The following DBR1 variants were observed in gnomAD, a reference collection of about 807,000 sequenced individuals.
The protein encoded by DBR1 is debranching RNA lariats 1, also known as lariat debranching enzyme.
Under a neutral mutation model 45.9 loss-of-function variants are expected in DBR1, and 33 were observed. The ratio of observed to expected loss-of-function variants is 0.72; its 90% CI spans 0.55 to 0.96. DBR1 has a LOEUF of 0.96. DBR1 is among the 40% of genes least tolerant of loss of function. The probability of loss-of-function intolerance (pLI) is 0.00; values close to 1 mark genes in which losing one functional copy is unlikely to be tolerated. For synonymous variants in DBR1, 235 were observed against 235.9 expected, an observed-to-expected ratio of 1.00 and a Z score of 0.04; for missense variants, 619 against 667.4, an observed-to-expected ratio of 0.93 and a Z score of 0.80.
Position 138,172,980 on chromosome 3 carries a change from T to C in DBR1, c.322+522A>G, listed in dbSNP as rs1042084058. 4.6e-5 allele frequency among the ~76,000 whole-genome samples: 7 copies of C among 151,990 alleles called. No homozygotes were observed. The South Asian group carries it at 1.2e-3, about 27-fold the overall frequency. On this transcript the variant is annotated intron_variant, in intron 2 of 7. Transcript: ENST00000260803. ...GTTAAGTATAATAACAGTACTGTAG[T>C]AGTATTTTTAAAGATCCTTATCACT...
intron 7 of DBR1, 109 bp from the exon 8 acceptor site, chr3:138,162,691 C>G (rs1420741933): frequency 2.1e-6 from 2 of 958,272 alleles, no homozygotes; most frequent in Non-Finnish European, 3.1e-6. Context: ...AGCCATCTAT[C>G]AAAATTCCAT....
In DBR1 at chr3:138,174,712, C is replaced by T. The variant is rs781454542; in HGVS notation, c.84G>A (p.Pro28=). The change falls in exon 1 of 8, where the codon CCG becomes CCA. Residue 28 remains proline (P), a synonymous_variant. Transcript: ENST00000260803. ...ETLALAERRG[P]GPVDLLLCCG... Reference sequence around the variant, plus strand: ...AGCACAGCAAGAGGTCGACAGGCCCCGGGCCGCGCCGCTCTGCCAGCGCCA... The same window carrying T: ...AGCACAGCAAGAGGTCGACAGGCCCTGGGCCGCGCCGCTCTGCCAGCGCCA... 2.5e-6 allele frequency: 4 copies of T among 1,612,650 alleles called. No homozygotes were observed. The South Asian group carries it at 3.3e-5, about 13-fold the overall frequency.
At chr3:138,169,290 A>G (rs892802251) in intron 4 of DBR1, among the ~76,000 whole-genome samples, 6 of 152,196 alleles carry the variant, frequency 3.9e-5, no homozygotes, top group African/African-American at 7.2e-5. Context: ...TGGAGATTAT[A>G]TGAAATACCA....
chr3:138,166,603 T>C (rs1418122558), intron 5 of DBR1, among the ~76,000 whole-genome samples: 1 of 152,158 alleles, frequency 6.6e-6, no homozygotes, highest in Non-Finnish European at 1.5e-5. Flanking sequence ...CCCATCATCT[T>C]TGGTTAAAAT....
intron 4 of DBR1, 50 bp from the exon 5 acceptor site, chr3:138,167,355 C>T (rs759048598): frequency 8.0e-7 from 1 of 1,247,474 alleles, no homozygotes; most frequent in South Asian, 1.3e-5. Flanking sequence ...AACAGATTAA[C>T]CAAAACAATC....
At position 138,161,450 on chromosome 3, in the gene DBR1, C is replaced by A. The variant is rs1319057507; in HGVS notation, c.*439G>T. Reference sequence around the variant, plus strand: ...ATAAAGTCAATATCTAACTAAAATTCTCTAATGTATCTTCATTATTATAAA... The same window carrying A: ...ATAAAGTCAATATCTAACTAAAATTATCTAATGTATCTTCATTATTATAAA... On this transcript the variant is annotated 3_prime_UTR_variant, in exon 8 of 8. Transcript: ENST00000260803. The A allele has an allele frequency of 6.4e-6, 1 of 155,254 alleles. No homozygotes were observed. The highest frequency in any genetic ancestry group is 2.4e-5 in the African/African-American group (1 of 41,438). The allele number at this position is 155,254 out of a possible 1,614,324, so 9.6% of individuals were successfully genotyped here. A position where few individuals can be genotyped will look rare whatever the true frequency, so the allele number is the denominator to read the frequency against.
chr3:138,174,256 A>G (rs937128009), intron 1 of DBR1, among the ~76,000 whole-genome samples: 1 of 152,188 alleles, frequency 6.6e-6, no homozygotes, highest in South Asian at 2.1e-4. Flanking sequence ...AGTACAAGGT[A>G]GCTATCTAAA....
chr3:138,167,305 G>A lies in DBR1; in HGVS notation c.490C>T (p.Leu164=). The A allele has an allele frequency of 6.3e-7, 1 of 1,581,624 alleles. No homozygotes were observed. The highest frequency in any genetic ancestry group is 1.4e-5 in the African/African-American group (1 of 72,918). ...AAGAATATATCTATAGGCTGCTTCAGCTTTCAAAAGAGAAAAAGAGAAAGA... is the reference window on the plus strand; with the variant it reads ...AAGAATATATCTATAGGCTGCTTCAACTTTCAAAAGAGAAAAAGAGAAAGA... ...RNIEVYKLKQ[L]KQPIDIFLSH... The change falls in exon 5 of 8, where the codon CTG becomes TTG. Residue 164 remains leucine (L), a splice_region_variant and synonymous_variant. Coordinates refer to ENST00000260803, the MANE Select transcript of DBR1 (RefSeq NM_016216.4).
At position 138,170,094 on chromosome 3, in the gene DBR1, G is replaced by A. The variant is rs373502246; in HGVS notation, c.489+13C>T. ...AATGTTTTCAAGTCTGCTGTAATGCGCTTTTTACGTACCTGTTTTAATTTA... is the reference window on the plus strand; with the variant it reads ...AATGTTTTCAAGTCTGCTGTAATGCACTTTTTACGTACCTGTTTTAATTTA... On this transcript the variant is annotated intron_variant, in intron 4 of 7. Transcript: ENST00000260803. 16 of 1,497,652 alleles carry A rather than the reference G, an allele frequency of 1.1e-5. No individual in the cohort carries two copies. Among genetic ancestry groups the A allele is most frequent in the Admixed American group, 8.7e-5 (5 of 57,452 alleles). The allele number at this position is 1,497,652 out of a possible 1,614,324, so 92.8% of individuals were successfully genotyped here.
intron 5 of DBR1, among the ~76,000 whole-genome samples, chr3:138,166,530 CA>C (rs1236433528): frequency 2.0e-5 from 3 of 152,172 alleles, no homozygotes; most frequent in Non-Finnish European, 4.4e-5. Flanking sequence ...AATCCATACA[CA>C]ACAATGCTGT....
chr3:138,164,682 T>C (rs1352031714), intron 5 of DBR1, among the ~76,000 whole-genome samples: 2 of 152,262 alleles, frequency 1.3e-5, no homozygotes, highest in African/African-American at 4.8e-5. Flanking sequence ...AGTCTTACTC[T>C]GTCGTCCAGG....
chr3:138,167,195 C>T lies in DBR1; in HGVS notation c.600G>A (p.Val200=), dbSNP rs747309679. ...LKTKSFFRQE[V]ENNTLGSPAA... is the part of the protein sequence containing the mutation. ...CTGGACTTCCTAATGTGTTATTTTC[C>T]ACTTCTTGTCGGAAAAAAGATTTAG... Residue 200 remains valine, a synonymous_variant, in exon 5 of 8, where the codon GTG becomes GTA. Transcript: ENST00000260803. The T allele has an allele frequency of 3.1e-6, 5 of 1,614,016 alleles. No individual in the cohort carries two copies. Among genetic ancestry groups the T allele is most frequent in the African/African-American group, 2.7e-5 (2 of 75,022 alleles).
intron 7 of DBR1, 55 bp from the exon 8 acceptor site, chr3:138,162,637 T>C (rs567068672): frequency 1.4e-6 from 2 of 1,398,780 alleles, no homozygotes; most frequent in Non-Finnish European, 2.0e-6. Context: ...AAACAATAAA[T>C]GATGAAATCT....
At chr3:138,171,530 T>A in intron 3 of DBR1, 103 bp downstream of exon 3, 4 of 405,302 alleles carry the variant, frequency 9.9e-6, no homozygotes, top group East Asian at 5.2e-5. Context: ...TAAAACTATA[T>A]CGAGGATACA....
chr3:138,166,848 A>G (rs77684827), intron 5 of DBR1, among the ~76,000 whole-genome samples: 1 of 151,978 alleles, frequency 6.6e-6, no homozygotes, highest in Admixed American at 6.6e-5. Context: ...CTCTATCTTC[A>G]TCTCCCATGT....
intron 5 of DBR1, among the ~76,000 whole-genome samples, chr3:138,164,638 G>T (rs888931262): frequency 2.4e-4 from 37 of 152,066 alleles, no homozygotes; most frequent in Non-Finnish European, 1.2e-4. Context: ...TTAAAATGTG[G>T]TTTTTTTCTT....
chr3:138,173,697 A>G (rs761790797), intron 1 of DBR1, 71 bp from the exon 2 acceptor site: 76 of 1,486,650 alleles, frequency 5.1e-5, no homozygotes, highest in Non-Finnish European at 6.3e-5. Context: ...CCGAAAAAAA[A>G]AAAGAAACTG....
In DBR1 at chr3:138,163,799, T is replaced by G; in HGVS notation, c.774A>C (p.Leu258Phe). 1 of 1,612,472 alleles carries G rather than the reference T, an allele frequency of 6.2e-7. No homozygotes were observed. The highest frequency in any genetic ancestry group is 8.5e-7 in the Non-Finnish European group (1 of 1,178,988). Reference sequence around the variant, plus strand: ...TTACCTGAAGAAAATCTCTATGTGGTAAGCATTTGTCCAAGGCTAAAAATT... The same window carrying G: ...TTACCTGAAGAAAATCTCTATGTGGGAAGCATTTGTCCAAGGCTAAAAATT... Reference protein sequence around the residue: ...ATKFLALDKCLPHRDFLQILE... With the variant: ...ATKFLALDKCFPHRDFLQILE... Residue 258 changes from leucine to phenylalanine, a missense_variant, in exon 6 of 8, where the codon TTA (leucine) becomes TTC (phenylalanine). Leu to Phe is a conservative substitution (Grantham distance 22). Coordinates refer to ENST00000260803, the MANE Select transcript of DBR1 (RefSeq NM_016216.4).
rs563155046 is a variant in DBR1 at position 138,164,866 on chromosome 3, C to G, written c.715-1008G>C. On this transcript the variant is annotated intron_variant, in intron 5 of 7. Transcript: ENST00000260803. ...TTCGCCATGTTGGCCAGACTGGCCT[C>G]GAACTCCTGGCCTCAAGTGATCCAC... Among the ~76,000 whole-genome samples, 5 of 152,280 alleles carry G rather than the reference C, an allele frequency of 3.3e-5. No homozygotes were observed. The East Asian group carries it at 9.7e-4, about 29-fold the overall frequency.
Sources: gnomAD v4.1 joint callset for allele counts (sites outside exome capture counted in the v4.1 genomes callset) on GRCh38, gnomAD v4.1.1 for gene constraint, MANE v1.5 for transcripts, NCBI Gene and HGNC (gene_info 2026-07-23, HGNC 2026-07-21) for gene names.